Variants in RFX3 observed in about 807,000 individuals in gnomAD.
RFX3 encodes the protein transcription factor RFX3.
In RFX3, 14 loss-of-function variants were observed where a neutral mutation model predicts 98.6. That is an observed-to-expected ratio of 0.14 (90% CI 0.09 to 0.22). The LOEUF is 0.22. Among genes scored for constraint, RFX3 ranks in the 10% least tolerant of loss-of-function variants. RFX3 has a pLI of 1.00. For missense variants in RFX3, 639 were observed against 926.9 expected, an observed-to-expected ratio of 0.69 and a Z score of 4.03; for synonymous variants, 383 against 328.4, an observed-to-expected ratio of 1.17 and a Z score of -1.80.
At chr9:3,462,542 A>G (rs1203018002) in intron 1 of RFX3, among the ~76,000 whole-genome samples, 2 of 152,078 alleles carry the variant, frequency 1.3e-5, no homozygotes, top group African/African-American at 4.8e-5. Context: ...AACCAATGCA[A>G]TAAGGTAAGA....
At chr9:3,505,921 TG>T (rs1427621942) in intron 1 of RFX3, among the ~76,000 whole-genome samples, 3 of 151,874 alleles carry the variant, frequency 2.0e-5, no homozygotes, top group Non-Finnish European at 4.4e-5. Context: ...CCTTGAAGAA[TG>T]ATCAGTTTTA....
At chr9:3,518,164 G>C (rs972803216) in intron 1 of RFX3, among the ~76,000 whole-genome samples, 1 of 152,040 alleles carries the variant, frequency 6.6e-6, no homozygotes, top group African/African-American at 2.4e-5. Flanking sequence ...GGTGTGTGTT[G>C]GGTACACTCT....
Position 3,221,540 on chromosome 9 carries a change from A to G in RFX3, c.*3502T>C, listed in dbSNP as rs549083474. ...CATAAACCGTGCTATACAGTACAAG[A>G]AAAATCACACAAAGGAAAGCAGATT... On this transcript the variant is annotated 3_prime_UTR_variant, in exon 17 of 17. Coordinates refer to ENST00000617270, the MANE Select transcript of RFX3 (RefSeq NM_001282116.2). The G allele has an allele frequency of 6.6e-6, 1 of 152,322 alleles. No individual in the cohort carries two copies. The highest frequency in any genetic ancestry group is 1.9e-4 in the East Asian group (1 of 5,188). 9.4% of individuals were successfully genotyped at this position (152,322 alleles called of 1,614,324 possible).
chr9:3,325,709 A>G (rs1043346263), intron 4 of RFX3, among the ~76,000 whole-genome samples: 5 of 152,116 alleles, frequency 3.3e-5, no homozygotes, highest in Non-Finnish European at 7.4e-5. Context: ...ATACTCTGGT[A>G]TAAGATAAAT....
chr9:3,449,007 T>A (rs935366985), intron 1 of RFX3, among the ~76,000 whole-genome samples: 3 of 152,156 alleles, frequency 2.0e-5, no homozygotes, highest in African/African-American at 7.2e-5. Flanking sequence ...CAAACTACTT[T>A]AAAATTAAAA....
rs1024633660 is a variant in RFX3, at chr9:3,370,435, T to C, written c.118-23671A>G. ...AGTCTTCAATAAATTTACAACTCTA[T>C]CCTTTCAAATCTTCTATGAAGTACA... On this transcript the variant is annotated intron_variant, in intron 2 of 16. Transcript: ENST00000617270. Among the ~76,000 whole-genome samples the C allele has an allele frequency of 5.3e-5, 8 of 151,792 alleles. No homozygotes were observed. In the South Asian group the frequency reaches 8.3e-4, roughly 16 times the overall value.
chr9:3,265,003 C>T (rs1823432023), intron 12 of RFX3, among the ~76,000 whole-genome samples: 2 of 152,200 alleles, frequency 1.3e-5, no homozygotes, highest in South Asian at 4.1e-4. Context: ...TCAAAGGCCA[C>T]CTTCTTTCTT....
chr9:3,454,062 G>T (rs1185779371), intron 1 of RFX3, among the ~76,000 whole-genome samples: 2 of 152,100 alleles, frequency 1.3e-5, no homozygotes, highest in Non-Finnish European at 2.9e-5. Flanking sequence ...AGTGGATTTT[G>T]TGTGCACAAA....
At chr9:3,301,492 C>G in intron 5 of RFX3, 54 bp downstream of exon 5, 1 of 1,225,172 alleles carries the variant, frequency 8.2e-7, no homozygotes, top group East Asian at 2.4e-5. Flanking sequence ...TAGAGGCAAG[C>G]AACACATGCA....
intron 7 of RFX3, among the ~76,000 whole-genome samples, chr9:3,286,800 C>G (rs1416815743): frequency 1.3e-5 from 2 of 151,888 alleles, no homozygotes; most frequent in African/African-American, 4.8e-5. Flanking sequence ...TCTGTAATAC[C>G]AGCCTCAATA....
At chr9:3,243,767 G>C (rs954582294) in intron 15 of RFX3, among the ~76,000 whole-genome samples, 2 of 152,032 alleles carry the variant, frequency 1.3e-5, no homozygotes, top group Admixed American at 6.6e-5. Context: ...ACCTGTAAAG[G>C]CAAAACAAAT....
At chr9:3,257,758 G>A (rs1429428380) in intron 13 of RFX3, among the ~76,000 whole-genome samples, 1 of 152,188 alleles carries the variant, frequency 6.6e-6, no homozygotes, top group Non-Finnish European at 1.5e-5. Flanking sequence ...ATTGGGAACA[G>A]AAATCTCAAG....
intron 2 of RFX3, chr9:3,364,278 G>A: frequency 6.5e-6 from 1 of 154,542 alleles, no homozygotes; most frequent in Non-Finnish European, 1.4e-5. Flanking sequence ...CAATTTGAAA[G>A]CAGTCATTTT....
At chr9:3,489,713 C>G (rs1850585675) in intron 1 of RFX3, among the ~76,000 whole-genome samples, 1 of 152,244 alleles carries the variant, frequency 6.6e-6, no homozygotes, top group African/African-American at 2.4e-5. Context: ...TTTAGAATGA[C>G]AAACCCATAC....
chr9:3,277,478 G>GA lies in RFX3; in HGVS notation c.852-18dup, dbSNP rs747301431. The GA allele has an allele frequency of 4.4e-6, 7 of 1,606,456 alleles. No individual in the cohort carries two copies. In the South Asian group the frequency reaches 7.8e-5, roughly 18 times the overall value. ...GGCTTGTACCTAAAAATATTAGATG[G>GA]AAAAAAACAAATAAACCAAATTATT... On this transcript the variant is annotated splice_polypyrimidine_tract_variant and intron_variant, in intron 7 of 16. Coordinates refer to ENST00000617270, the MANE Select transcript of RFX3 (RefSeq NM_001282116.2).
intron 4 of RFX3, among the ~76,000 whole-genome samples, chr9:3,317,051 G>A (rs12683752): frequency 0.022 from 3,395 of 152,164 alleles, 125 homozygotes; most frequent in African/African-American, 0.073. Context: ...AAAAGAGCCC[G>A]CATTGCCCAG....
intron 2 of RFX3, among the ~76,000 whole-genome samples, chr9:3,383,658 T>C (rs1349340642): frequency 6.6e-6 from 1 of 152,142 alleles, no homozygotes; most frequent in East Asian, 1.9e-4. Flanking sequence ...TTGCTTTAAA[T>C]AGAAAGCCTA....
At chr9:3,293,703 G>A (rs569122148) in intron 5 of RFX3, among the ~76,000 whole-genome samples, 2 of 152,066 alleles carry the variant, frequency 1.3e-5, no homozygotes, top group Admixed American at 6.6e-5. Flanking sequence ...CAGGCTGCCT[G>A]GTATGAGTGT....
chr9:3,353,272 C>A (rs989080131), intron 2 of RFX3, among the ~76,000 whole-genome samples: 1 of 151,640 alleles, frequency 6.6e-6, no homozygotes, highest in Non-Finnish European at 1.5e-5. Context: ...GGGTGCAGCA[C>A]ACCAGCATGG....
Sources: gnomAD v4.1 joint callset for allele counts (sites outside exome capture counted in the v4.1 genomes callset) on GRCh38, gnomAD v4.1.1 for gene constraint, MANE v1.5 for transcripts, NCBI Gene and HGNC (gene_info 2026-07-23, HGNC 2026-07-21) for gene names.